The following CORO2B variants were observed in gnomAD, a reference collection of about 807,000 sequenced individuals.
CORO2B encodes coronin-2B.
CORO2B carries 26 observed loss-of-function variants against 58.8 expected under a neutral mutation model. The observed-to-expected ratio is 0.44, with a 90% CI of 0.32 to 0.61. The LOEUF is 0.61. Among genes scored for constraint, CORO2B ranks in the 20% least tolerant of loss-of-function variants. The pLI, the probability that CORO2B is intolerant of heterozygous loss-of-function variation, is 0.04. For synonymous variants in CORO2B, 242 were observed against 253.8 expected (o/e 0.95, Z 0.44); for missense variants, 460 against 645.1 (o/e 0.71, Z 3.11).
At chr15:68,697,415 T>C (rs1337559992) in intron 3 of CORO2B, among the ~76,000 whole-genome samples, 1 of 152,198 alleles carries the variant, frequency 6.6e-6, no homozygotes, top group Admixed American at 6.5e-5. Context: ...GTCCATCTAA[T>C]CAGTTATCCA....
chr15:68,695,329 T>C, intron 3 of CORO2B, 73 bp downstream of exon 3: 4 of 1,046,430 alleles, frequency 3.8e-6, no homozygotes, highest in Non-Finnish European at 6.0e-6. Flanking sequence ...CCTCTCTTCC[T>C]ACCCTCCCCT....
chr15:68,607,165 G>A (rs968837302), intron 1 of CORO2B, among the ~76,000 whole-genome samples: 3 of 152,124 alleles, frequency 2.0e-5, no homozygotes, highest in African/African-American at 7.2e-5. Context: ...CCATGTCTGG[G>A]GTCTCTGCTA....
chr15:68,604,064 G>A (rs1047873041), intron 1 of CORO2B, among the ~76,000 whole-genome samples: 13 of 152,142 alleles, frequency 8.5e-5, no homozygotes, highest in Admixed American at 7.2e-4. Flanking sequence ...CCATAGAAGC[G>A]TTGTGAGCAC....
At chr15:68,643,934 G>A (rs1437435461) in intron 1 of CORO2B, among the ~76,000 whole-genome samples, 3 of 152,078 alleles carry the variant, frequency 2.0e-5, no homozygotes, top group Non-Finnish European at 4.4e-5. Context: ...CTACTCAGGA[G>A]GCTGAGGTGG....
At chr15:68,544,577 G>C in the CORO2B span, among the ~76,000 whole-genome samples, 1 of 152,144 alleles carries the variant, frequency 6.6e-6, no homozygotes, top group East Asian at 1.9e-4. Context: ...TTACCACCAG[G>C]AGGCAGGTTG....
chr15:68,722,831 G>A (rs941485417), intron 11 of CORO2B, among the ~76,000 whole-genome samples: 1 of 152,188 alleles, frequency 6.6e-6, no homozygotes, highest in East Asian at 1.9e-4. Flanking sequence ...ACTTTGGGAG[G>A]CTGAGGCGGG....
intron 2 of CORO2B, among the ~76,000 whole-genome samples, chr15:68,652,220 C>T (rs372988980): frequency 5.3e-5 from 8 of 152,184 alleles, no homozygotes; most frequent in Non-Finnish European, 8.8e-5. Flanking sequence ...TTCGGGCTGC[C>T]GTTGTGAAGG....
intron 1 of CORO2B, among the ~76,000 whole-genome samples, chr15:68,620,205 C>T (rs1219362857): frequency 6.6e-6 from 1 of 152,166 alleles, no homozygotes; most frequent in Non-Finnish European, 1.5e-5. Flanking sequence ...AGCCACCATG[C>T]CCGGCCTAAT....
intron 1 of CORO2B, among the ~76,000 whole-genome samples, chr15:68,628,712 G>A (rs1900748163): frequency 6.6e-6 from 1 of 152,162 alleles, no homozygotes; most frequent in African/African-American, 2.4e-5. Flanking sequence ...GCCCCAAAAG[G>A]TAGATCCACT....
rs545511368 is a variant in CORO2B, at chr15:68,640,150, C to T, written c.16-5010C>T. ...TGCAGGTCCTTCTGCAGACACCCAG[C>T]TTTGGCCCACAGTGTGTACTCGTGC... is the stretch of plus-strand genomic sequence containing the variant. On this transcript the variant is annotated intron_variant, in intron 1 of 11. Coordinates refer to ENST00000261861, the MANE Select transcript of CORO2B (RefSeq NM_006091.5). Among the ~76,000 whole-genome samples the T allele has an allele frequency of 3.3e-3, 505 of 152,320 alleles. 5 individuals carry two copies. Among genetic ancestry groups the T allele is most frequent in the African/African-American group, 0.011 (475 of 41,562 alleles).
intron 1 of CORO2B, among the ~76,000 whole-genome samples, chr15:68,628,861 A>G (rs1217584602): frequency 6.6e-6 from 1 of 152,212 alleles, no homozygotes; most frequent in Non-Finnish European, 1.5e-5. Context: ...TTCTGCTGAG[A>G]GGGATGCCCT....
intron 1 of CORO2B, among the ~76,000 whole-genome samples, chr15:68,633,035 G>A (rs1403019407): frequency 6.6e-6 from 1 of 152,252 alleles, no homozygotes; most frequent in East Asian, 1.9e-4. Flanking sequence ...CTCCGCTTAT[G>A]GCTTCTGCCT....
intron 2 of CORO2B, among the ~76,000 whole-genome samples, chr15:68,677,049 C>T (rs1257300735): frequency 6.6e-6 from 1 of 152,166 alleles, no homozygotes; most frequent in East Asian, 1.9e-4. Flanking sequence ...GCTGGGATTA[C>T]AGGCATGAGC....
Position 68,710,933 on chromosome 15 carries a change from G to A in CORO2B, c.483+52G>A. 2 of 1,526,474 alleles carry A rather than the reference G, an allele frequency of 1.3e-6. No individual in the cohort carries two copies. The highest frequency in any genetic ancestry group is 1.4e-5 in the African/African-American group (1 of 73,458). The allele number at this position is 1,526,474 out of a possible 1,614,324, so 94.6% of individuals were successfully genotyped here. Reference sequence around the variant, plus strand: ...GAGAGGGATTGGGGAAGAGAAAGGGGCCTTTTGGGTACCCGTAGGAAGCAC... The same window carrying A: ...GAGAGGGATTGGGGAAGAGAAAGGGACCTTTTGGGTACCCGTAGGAAGCAC... On this transcript the variant is annotated intron_variant, in intron 4 of 11. Coordinates refer to ENST00000261861, the MANE Select transcript of CORO2B (RefSeq NM_006091.5). This position sits in a 1 kb window ranked among gnomAD's most constrained non-coding sequence, Gnocchi z 4.1.
chr15:68,587,662 G>A (rs148928528), intron 1 of CORO2B, among the ~76,000 whole-genome samples: 207 of 152,234 alleles, frequency 1.4e-3, no homozygotes, highest in Middle Eastern at 3.4e-3. Context: ...TAACCCTTCC[G>A]GAGCACTTAG....
chr15:68,550,512 G>A, the CORO2B span, among the ~76,000 whole-genome samples: 1 of 152,158 alleles, frequency 6.6e-6, no homozygotes, highest in Non-Finnish European at 1.5e-5. Flanking sequence ...ATTGAACCAC[G>A]ATAGCACCCA....
the CORO2B span, among the ~76,000 whole-genome samples, chr15:68,564,737 C>T: frequency 6.6e-6 from 1 of 152,198 alleles, no homozygotes; most frequent in Non-Finnish European, 1.5e-5. Context: ...TTGGTTGCTC[C>T]TTCTAAAGTA....
At chr15:68,651,319 C>A (rs987556521) in intron 2 of CORO2B, among the ~76,000 whole-genome samples, 11 of 152,192 alleles carry the variant, frequency 7.2e-5, no homozygotes, top group Non-Finnish European at 1.3e-4. Context: ...TAGGTTGGTG[C>A]AGGGGGTGCG....
intron 2 of CORO2B, among the ~76,000 whole-genome samples, chr15:68,668,405 G>T (rs538574473): frequency 6.9e-6 from 1 of 144,140 alleles, no homozygotes; most frequent in African/African-American, 2.5e-5. Context: ...GCAAACAGTC[G>T]TTAAGATTAC....
Sources: allele counts gnomAD v4.1 joint callset (sites outside exome capture counted in the v4.1 genomes callset), GRCh38; gene constraint gnomAD v4.1.1; non-coding constraint Gnocchi (gnomAD v3.1); transcripts MANE v1.5; gene names NCBI Gene and HGNC (gene_info 2026-07-23, HGNC 2026-07-21).